Variants in ERG observed in about 807,000 individuals in gnomAD.
The protein encoded by ERG is transcriptional regulator ERG.
ERG carries 9 observed loss-of-function variants against 55.3 expected under a neutral mutation model. The ratio of observed to expected loss-of-function variants is 0.16; its 90% CI spans 0.10 to 0.28. The LOEUF is 0.28. ERG is among the 10% of genes least tolerant of loss of function. The probability of loss-of-function intolerance (pLI) is 1.00; values close to 1 mark genes in which losing one functional copy is unlikely to be tolerated. For missense variants in ERG, 434 were observed against 631.6 expected, an observed-to-expected ratio of 0.69 and a Z score of 3.35; for synonymous variants, 223 against 237.3, an observed-to-expected ratio of 0.94 and a Z score of 0.55.
At chr21:38,648,968 G>C (rs946844904) in intron 1 of ERG, among the ~76,000 whole-genome samples, 1 of 152,114 alleles carries the variant, frequency 6.6e-6, no homozygotes, top group Non-Finnish European at 1.5e-5. Flanking sequence ...GTGAGGAAGG[G>C]GCATTGCTCA....
intron 1 of ERG, among the ~76,000 whole-genome samples, chr21:38,467,241 C>A (rs1014107160): frequency 6.6e-6 from 1 of 152,150 alleles, no homozygotes; most frequent in South Asian, 2.1e-4. Flanking sequence ...AAGTCTTGTG[C>A]TGCAAATGTT....
intron 1 of ERG, chr21:38,470,661 C>CT (rs1245137652): frequency 2.0e-5 from 3 of 152,170 alleles, no homozygotes; most frequent in Admixed American, 2.0e-4. Flanking sequence ...ATTTGTCAAA[C>CT]TGCTTCACAG....
At chr21:38,590,609 C>A (rs1203038428) in intron 1 of ERG, among the ~76,000 whole-genome samples, 1 of 150,628 alleles carries the variant, frequency 6.6e-6, no homozygotes, top group Non-Finnish European at 1.5e-5. Flanking sequence ...TCCATGTATT[C>A]ATGTATTCAT....
intron 2 of ERG, among the ~76,000 whole-genome samples, chr21:38,441,631 G>C (rs573895313): frequency 1.2e-4 from 18 of 152,356 alleles, no homozygotes; most frequent in Non-Finnish European, 2.2e-4. Context: ...AGACGGGCAT[G>C]AGCTCTGTAT....
intron 6 of ERG, among the ~76,000 whole-genome samples, chr21:38,397,689 TGGGAAGGGAAGGA>T (rs1988296813): frequency 7.2e-6 from 1 of 139,728 alleles, no homozygotes; most frequent in African/African-American, 2.7e-5. Flanking sequence ...TGACTCACAG[TGGGAAGGGAAGGA>T]GGGAAGGGTG....
At chr21:38,529,261 T>C (rs1280124519) in intron 2 of ERG, among the ~76,000 whole-genome samples, 2 of 152,054 alleles carry the variant, frequency 1.3e-5, no homozygotes, top group Admixed American at 6.6e-5. Flanking sequence ...GAACAGTCTA[T>C]AGGAAGCCAA....
chr21:38,595,058 G>C (rs556960520), intron 1 of ERG, among the ~76,000 whole-genome samples: 55 of 152,322 alleles, frequency 3.6e-4, no homozygotes, highest in African/African-American at 1.3e-3. Flanking sequence ...AGGCAAGAGG[G>C]AAATGGCAGG....
intron 1 of ERG, among the ~76,000 whole-genome samples, chr21:38,485,461 CTTT>C (rs34211335): frequency 3.0e-4 from 39 of 130,374 alleles, no homozygotes; most frequent in African/African-American, 9.3e-4. Context: ...AATATACAGT[CTTT>C]TTTTTTTTTT....
rs1327813893 is a variant in ERG at position 38,429,671 on chromosome 21, G to A, written c.237-6110C>T. Among the ~76,000 whole-genome samples the A allele has an allele frequency of 1.6e-4, 24 of 146,830 alleles. 3 individuals carry two copies. Among genetic ancestry groups the A allele is most frequent in the African/African-American group, 5.4e-4 (21 of 38,892 alleles). Reference sequence around the variant, plus strand: ...CACATGTACATATATACATATATGTGTATATATGTATATATGTGTGTATAC... The same window carrying A: ...CACATGTACATATATACATATATGTATATATATGTATATATGTGTGTATAC... On this transcript the variant is annotated intron_variant, in intron 2 of 9. Coordinates refer to ENST00000288319, the MANE Select transcript of ERG (RefSeq NM_182918.4).
At chr21:38,606,132 G>C (rs1205610190) in intron 1 of ERG, among the ~76,000 whole-genome samples, 1 of 152,114 alleles carries the variant, frequency 6.6e-6, no homozygotes, top group African/African-American at 2.4e-5. Flanking sequence ...TAGATAGATA[G>C]ATAAATGATT....
At chr21:38,565,259 A>T (rs1443758174) in intron 2 of ERG, among the ~76,000 whole-genome samples, 1 of 152,072 alleles carries the variant, frequency 6.6e-6, no homozygotes, top group African/African-American at 2.4e-5. Flanking sequence ...TCCCTGTTTC[A>T]ACTCTTGGTC....
chr21:38,569,103 T>C (rs2059941425), intron 2 of ERG, among the ~76,000 whole-genome samples: 1 of 152,354 alleles, frequency 6.6e-6, no homozygotes, highest in East Asian at 1.9e-4. Flanking sequence ...GTGCCCGAAG[T>C]GTTTGAGAAC....
At chr21:38,368,387 T>C in the ERG span, among the ~76,000 whole-genome samples, 1 of 138,166 alleles carries the variant, frequency 7.2e-6, no homozygotes, top group African/African-American at 2.8e-5. Flanking sequence ...AGTGAGTTTG[T>C]TAGTTTCATT....
intron 1 of ERG, among the ~76,000 whole-genome samples, chr21:38,495,527 G>A (rs987573109): frequency 4.6e-5 from 7 of 152,142 alleles, no homozygotes; most frequent in African/African-American, 1.4e-4. Context: ...CTGTGATGAT[G>A]GAAAATCCCC....
chr21:38,563,508 G>T (rs2059905095), intron 2 of ERG, among the ~76,000 whole-genome samples: 1 of 152,224 alleles, frequency 6.6e-6, no homozygotes, highest in Non-Finnish European at 1.5e-5. Flanking sequence ...CACATGGTCC[G>T]TGAGAGCACG....
In ERG at chr21:38,491,584, TAAAA is replaced by T. The variant is rs369433444; in HGVS notation, c.18+6775_18+6778del. Among the ~76,000 whole-genome samples the T allele has an allele frequency of 9.8e-5, 15 of 152,356 alleles. No homozygotes were observed. The East Asian group carries it at 1.9e-3, about 20-fold the overall frequency. On this transcript the variant is annotated intron_variant, in intron 1 of 9. Coordinates refer to ENST00000288319, the MANE Select transcript of ERG (RefSeq NM_182918.4). ...ATGATTGGATTCTGATGTGGCACTT[TAAAA>T]ATAAATCATTTTGCTTGGCCTTAGC... is the stretch of plus-strand genomic sequence containing the variant.
intron 1 of ERG, among the ~76,000 whole-genome samples, chr21:38,603,643 C>A (rs1173308665): frequency 2.6e-5 from 4 of 152,036 alleles, no homozygotes; most frequent in Admixed American, 6.5e-5. Flanking sequence ...CAACAGCATT[C>A]CCCTTAAGTA....
intron 1 of ERG, among the ~76,000 whole-genome samples, chr21:38,456,926 T>C (rs1316051244): frequency 6.6e-6 from 1 of 152,230 alleles, no homozygotes; most frequent in African/African-American, 2.4e-5. Flanking sequence ...AGATGAGCAC[T>C]GGGTAGACCC....
intron 1 of ERG, among the ~76,000 whole-genome samples, chr21:38,627,286 CT>C (rs2060330657): frequency 1.3e-5 from 2 of 151,950 alleles, no homozygotes; most frequent in Admixed American, 1.3e-4. Flanking sequence ...TAATGTAAAA[CT>C]ACATTAAAGA....
Sources: allele counts gnomAD v4.1 joint callset (sites outside exome capture counted in the v4.1 genomes callset), GRCh38; gene constraint gnomAD v4.1.1; transcripts MANE v1.5; gene names NCBI Gene and HGNC (gene_info 2026-07-23, HGNC 2026-07-21).